Variants in SLC38A9 observed in about 807,000 individuals in gnomAD.
The protein encoded by SLC38A9 is solute carrier family 38 member 9, also known as neutral amino acid transporter 9.
Under a neutral mutation model 62.3 loss-of-function variants are expected in SLC38A9, and 48 were observed. The ratio of observed to expected loss-of-function variants is 0.77; its 90% CI spans 0.61 to 0.98. SLC38A9 has a LOEUF of 0.98. SLC38A9 is among the 50% of genes least tolerant of loss of function. The probability of loss-of-function intolerance (pLI) is 0.00; values close to 1 mark genes in which losing one functional copy is unlikely to be tolerated. For synonymous variants in SLC38A9, 204 were observed against 227.7 expected (o/e 0.90, Z 0.94); for missense variants, 541 against 679.8 (o/e 0.80, Z 2.27).
intron 3 of SLC38A9, among the ~76,000 whole-genome samples, chr5:55,681,460 A>G (rs1337949325): frequency 1.3e-5 from 2 of 152,136 alleles, no homozygotes; most frequent in Non-Finnish European, 2.9e-5. Context: ...CTTTCCCCTT[A>G]TCTATCATTC....
chr5:55,703,514 A>G (rs2150692985), intron 2 of SLC38A9, among the ~76,000 whole-genome samples: 1 of 152,354 alleles, frequency 6.6e-6, no homozygotes, highest in East Asian at 1.9e-4. Context: ...TACATAATTC[A>G]GTGATAATTG....
At chr5:55,690,715 T>C (rs1323438526) in intron 3 of SLC38A9, among the ~76,000 whole-genome samples, 2 of 152,014 alleles carry the variant, frequency 1.3e-5, no homozygotes, top group Admixed American at 6.6e-5. Context: ...CTGTTACCTA[T>C]TAATAGATAA....
intron 2 of SLC38A9, among the ~76,000 whole-genome samples, chr5:55,698,242 C>T (rs1355139741): frequency 1.7e-5 from 2 of 118,842 alleles, no homozygotes; most frequent in South Asian, 6.5e-4. Context: ...TATTCGGACT[C>T]ATTTTTCCTG....
At chr5:55,675,947 C>T (rs1752027891) in intron 3 of SLC38A9, among the ~76,000 whole-genome samples, 1 of 152,044 alleles carries the variant, frequency 6.6e-6, no homozygotes, top group African/African-American at 2.4e-5. Flanking sequence ...GTCTGTACCC[C>T]AAATAAGGTA....
intron 3 of SLC38A9, among the ~76,000 whole-genome samples, chr5:55,690,262 G>A (rs372078841): frequency 6.6e-6 from 1 of 152,086 alleles, no homozygotes; most frequent in Non-Finnish European, 1.5e-5. Context: ...AAAGTGCTGG[G>A]ATTACAGGTG....
intron 3 of SLC38A9, among the ~76,000 whole-genome samples, chr5:55,682,247 C>T (rs1753131620): frequency 6.6e-6 from 1 of 152,138 alleles, no homozygotes; most frequent in Non-Finnish European, 1.5e-5. Flanking sequence ...CATTTAAAAA[C>T]AAAAGCCAAA....
chr5:55,644,054 G>A (rs1232022405), intron 12 of SLC38A9, among the ~76,000 whole-genome samples: 1 of 152,024 alleles, frequency 6.6e-6, no homozygotes, highest in Non-Finnish European at 1.5e-5. Flanking sequence ...TCCACCCCTT[G>A]GGTTCAAGTA....
rs544539580 is a variant in SLC38A9 at position 55,649,190 on chromosome 5, TTTGCCAAA to T, written c.1060+9_1060+16del. The T allele has an allele frequency of 1.8e-4, 258 of 1,411,858 alleles. 1 individual carries two copies. The East Asian group carries it at 5.2e-3, about 28-fold the overall frequency. The allele number at this position is 1,411,858 out of a possible 1,614,324, so 87.5% of individuals were successfully genotyped here. On this transcript the variant is annotated intron_variant, in intron 11 of 15. Transcript: ENST00000396865. ...AGATCACATTATTATAATTTATTAT[TTTGCCAAA>T]AAGCTCACCTGGTACAAAAAATTCT...
chr5:55,688,607 C>T (rs891457871), intron 3 of SLC38A9, among the ~76,000 whole-genome samples: 1 of 151,994 alleles, frequency 6.6e-6, no homozygotes, highest in Non-Finnish European at 1.5e-5. Context: ...GTCTCGATCT[C>T]CTGACCTCGT....
intron 7 of SLC38A9, among the ~76,000 whole-genome samples, chr5:55,665,969 T>C (rs1278294358): frequency 2.0e-5 from 3 of 152,110 alleles, no homozygotes; most frequent in Non-Finnish European, 4.4e-5. Flanking sequence ...AAAGTATATA[T>C]AAAATATTTT....
At chr5:55,688,839 T>A (rs1012848146) in intron 3 of SLC38A9, among the ~76,000 whole-genome samples, 1 of 152,202 alleles carries the variant, frequency 6.6e-6, no homozygotes, top group Non-Finnish European at 1.5e-5. Context: ...ATAATGAAAT[T>A]GTATTTTAAC....
chr5:55,633,600 G>A (rs914684261), intron 14 of SLC38A9, 154 bp downstream of exon 14: 2 of 922,738 alleles, frequency 2.2e-6, no homozygotes, highest in Non-Finnish European at 1.6e-6. Flanking sequence ...TATTTTTAAA[G>A]CTCTTCAGGG....
At chr5:55,677,991 G>A (rs1034088642) in intron 3 of SLC38A9, among the ~76,000 whole-genome samples, 1 of 146,884 alleles carries the variant, frequency 6.8e-6, no homozygotes, top group African/African-American at 2.5e-5. Flanking sequence ...GGTAGTGGCT[G>A]GAACAATTGG....
chr5:55,644,381 T>C (rs544098612), intron 12 of SLC38A9, among the ~76,000 whole-genome samples: 1 of 151,878 alleles, frequency 6.6e-6, no homozygotes, highest in African/African-American at 2.4e-5. Context: ...TCACATCTAT[T>C]CTTTGGTCCC....
At chr5:55,692,847 T>C in intron 3 of SLC38A9, 1 of 981,740 alleles carries the variant, frequency 1.0e-6, no homozygotes, top group Non-Finnish European at 1.2e-6. Flanking sequence ...AGTGCTTATA[T>C]TTACTGACAT....
intron 3 of SLC38A9, among the ~76,000 whole-genome samples, chr5:55,682,976 G>C (rs1007731367): frequency 4.3e-5 from 6 of 140,452 alleles, no homozygotes; most frequent in African/African-American, 1.5e-4. Flanking sequence ...GGCAGAGGAG[G>C]AAAAGAGGGA....
chr5:55,697,846 C>T lies in SLC38A9; in HGVS notation c.113G>A (p.Arg38Lys), dbSNP rs1756123337. Residue 38 changes from arginine (R) to lysine (K), a missense_variant and splice_region_variant, in exon 3 of 16, where the codon AGG (arginine) becomes AAG (lysine). Arg to Lys is a conservative substitution (Grantham distance 26). Transcript: ENST00000396865. The stretch of plus-strand genomic sequence containing the variant: ...AATGTGTTTTATTTTAAATGCTTAC[C>T]TTTTGGATCTTAGATCCGATGGCTC... ...QFEPSDLRSK[R>K]PFCIEPTNIV... is the part of the protein sequence containing the mutation. 1.3e-6 allele frequency: 2 copies of T among 1,533,042 alleles called. No individual in the cohort carries two copies. Among genetic ancestry groups the T allele is most frequent in the Non-Finnish European group, 1.8e-6 (2 of 1,125,810 alleles). 95.0% of individuals were successfully genotyped at this position (1,533,042 alleles called of 1,614,324 possible). A position where few individuals can be genotyped will look rare whatever the true frequency, so the allele number is the denominator to read the frequency against.
At chr5:55,651,282 A>G (rs6866601) in intron 10 of SLC38A9, among the ~76,000 whole-genome samples, 76,048 of 127,876 alleles carry the variant, frequency 0.59, 22,818 homozygotes, top group South Asian at 0.68. Context: ...ACAGAGTCTC[A>G]TTCTGTCACC....
intron 4 of SLC38A9, among the ~76,000 whole-genome samples, chr5:55,670,117 AC>A (rs1751061208): frequency 1.3e-5 from 2 of 152,018 alleles, no homozygotes; most frequent in Non-Finnish European, 2.9e-5. Flanking sequence ...GGTGCCCACC[AC>A]CACGCCTGGC....
Sources: allele counts gnomAD v4.1 joint callset (sites outside exome capture counted in the v4.1 genomes callset), GRCh38; gene constraint gnomAD v4.1.1; transcripts MANE v1.5; gene names NCBI Gene and HGNC (gene_info 2026-07-23, HGNC 2026-07-21).